Variants in SORD observed in about 807,000 individuals in gnomAD.
SORD encodes the protein (R,R)-butanediol dehydrogenase.
SORD carries 18 observed loss-of-function variants against 35.6 expected under a neutral mutation model. The ratio of observed to expected loss-of-function variants is 0.51; its 90% CI spans 0.35 to 0.75. The LOEUF is 0.75. SORD is among the 30% of genes least tolerant of loss of function. The pLI is 0.01. For synonymous variants in SORD, 106 were observed against 152.9 expected, an observed-to-expected ratio of 0.69 and a Z score of 2.26; for missense variants, 250 against 390.2, an observed-to-expected ratio of 0.64 and a Z score of 3.03.
At position 45,074,052 on chromosome 15, in the gene SORD, A is replaced by C. The variant is rs1893556421; in HGVS notation, c.*522A>C. On this transcript the variant is annotated 3_prime_UTR_variant, in exon 9 of 9. Transcript: ENST00000267814. Reference sequence around the variant, plus strand: ...ATTGGCTGTTTGTTTTGATGATAAAAGGAGAATAAGAAAAGGCATCACTTT... The same window carrying C: ...ATTGGCTGTTTGTTTTGATGATAAACGGAGAATAAGAAAAGGCATCACTTT... 1 of 124,080 alleles carries C rather than the reference A, an allele frequency of 8.1e-6. No homozygotes were observed. Among genetic ancestry groups the C allele is most frequent in the Non-Finnish European group, 1.6e-5 (1 of 61,248 alleles). 7.7% of individuals were successfully genotyped at this position (124,080 alleles called of 1,614,324 possible). A position where few individuals can be genotyped will look rare whatever the true frequency, so the allele number is the denominator to read the frequency against.
chr15:45,030,999 C>A (rs35142181), intron 1 of SORD, among the ~76,000 whole-genome samples: 11,446 of 150,992 alleles, frequency 0.076, 20 homozygotes, highest in South Asian at 0.088. Flanking sequence ...TACCAACGAT[C>A]ATGCAAATAT....
chr15:45,040,173 G>A (rs1892943903), intron 1 of SORD, among the ~76,000 whole-genome samples: 1 of 151,806 alleles, frequency 6.6e-6, no homozygotes, highest in South Asian at 2.1e-4. Context: ...GCATGCTGCT[G>A]TTGGGTCCGT....
chr15:45,064,754 G>A lies in SORD; in HGVS notation c.426-517G>A, dbSNP rs143294521. 4.7e-3 allele frequency among the ~76,000 whole-genome samples: 717 copies of A among 152,342 alleles called. 4 individuals carry two copies. Among genetic ancestry groups the A allele is most frequent in the African/African-American group, 0.017 (692 of 41,582 alleles). ...TAAAGTGAAACTAAAAAGGCTGTAA[G>A]TTTGAGAAGCAGATGAGATGCTGGA... On this transcript the variant is annotated intron_variant, in intron 4 of 8. Transcript: ENST00000267814.
At chr15:45,052,922 A>T (rs56214951) in intron 3 of SORD, among the ~76,000 whole-genome samples, 2 of 152,220 alleles carry the variant, frequency 1.3e-5, no homozygotes, top group African/African-American at 4.8e-5. Flanking sequence ...TCAGTTGCTT[A>T]TAAAAATGTT....
rs1398182635 is a variant in SORD, at chr15:45,075,496, A to G, written c.*1966A>G. The G allele has an allele frequency of 1.7e-5, 2 of 114,560 alleles. No homozygotes were observed. The highest frequency in any genetic ancestry group is 3.2e-5 in the Non-Finnish European group (2 of 62,182). 7.1% of individuals were successfully genotyped at this position (114,560 alleles called of 1,614,324 possible). A position where few individuals can be genotyped will look rare whatever the true frequency, so the allele number is the denominator to read the frequency against. ...CAGCCTATGCATGCCTCGTGAAGCC[A>G]TTTCACTGCTGCCCCTTCATCCTCC... On this transcript the variant is annotated 3_prime_UTR_variant, in exon 9 of 9. Transcript: ENST00000267814.
At chr15:45,066,110 G>T (rs964725746) in intron 5 of SORD, among the ~76,000 whole-genome samples, 2 of 151,150 alleles carry the variant, frequency 1.3e-5, no homozygotes, top group African/African-American at 4.9e-5. Context: ...CAGGCGTGGT[G>T]GTGCACCCCC....
chr15:45,040,558 T>TA (rs2141269305), intron 2 of SORD, 117 bp downstream of exon 2: 1 of 795,794 alleles, frequency 1.3e-6, no homozygotes, highest in South Asian at 1.5e-5. Flanking sequence ...TTGCATCCAT[T>TA]AAAAACCTAT....
intron 4 of SORD, among the ~76,000 whole-genome samples, chr15:45,061,738 A>G (rs778853315): frequency 1.3e-5 from 2 of 152,018 alleles, no homozygotes; most frequent in South Asian, 2.1e-4. Context: ...GCCTGGTGGC[A>G]GGCACCTGTA....
In SORD at chr15:45,065,444, C is replaced by A. The variant is rs1301120112; in HGVS notation, c.544+55C>A. The A allele has an allele frequency of 2.4e-5, 38 of 1,551,204 alleles. No homozygotes were observed. In the South Asian group the frequency reaches 4.1e-4, roughly 17 times the overall value. On this transcript the variant is annotated intron_variant, in intron 5 of 8. Coordinates refer to ENST00000267814, the MANE Select transcript of SORD (RefSeq NM_003104.6). ...TTCATTGACTGGGAATTCAGGGAACCCTCTGCCCATCTCATTCCCCCTCCA... is the reference window on the plus strand; with the variant it reads ...TTCATTGACTGGGAATTCAGGGAACACTCTGCCCATCTCATTCCCCCTCCA...
rs574737698 is a variant in SORD, at chr15:45,046,573, A to G, written c.265+3152A>G. Among the ~76,000 whole-genome samples, 35 of 152,344 alleles carry G rather than the reference A, an allele frequency of 2.3e-4. 2 individuals are homozygous for G. In the South Asian group the frequency reaches 5.4e-3, roughly 23 times the overall value. ...TACAGACATATTTTGGTGGTCATAAAGATTTCTGTGGGTCCTTTTCTTTCC... is the reference window on the plus strand; with the variant it reads ...TACAGACATATTTTGGTGGTCATAAGGATTTCTGTGGGTCCTTTTCTTTCC... On this transcript the variant is annotated intron_variant, in intron 3 of 8. Transcript: ENST00000267814.
Position 45,073,480 on chromosome 15 carries a change from T to C in SORD, c.1024T>C (p.Leu342=). 6.4e-7 allele frequency: 1 copy of C among 1,561,586 alleles called. No individual in the cohort carries two copies. The highest frequency in any genetic ancestry group is 8.6e-7 in the Non-Finnish European group (1 of 1,164,030). Residue 342 remains leucine, a synonymous_variant, in exon 9 of 9, where the codon TTG becomes CTG. Transcript: ENST00000267814. The part of the protein sequence containing the change: ...LEAFETFKKG[L]GLKIMLKCDP... ...GGCCTTTGAAACATTTAAAAAGGGA[T>C]TGGGGTTGAAAATCATGCTCAAGTG...
chr15:45,029,018 C>G (rs1201031509), intron 1 of SORD, among the ~76,000 whole-genome samples: 2 of 152,212 alleles, frequency 1.3e-5, no homozygotes, highest in Non-Finnish European at 2.9e-5. Context: ...TGGATTAAAC[C>G]AGATTACCCT....
Position 45,061,168 on chromosome 15 carries a change from C to T in SORD, c.367C>T (p.Pro123Ser), listed in dbSNP as rs200121839. The change falls in exon 4 of 9, where the codon CCC becomes TCC. Residue 123 changes from proline (P) to serine (S), a missense_variant. Transcript: ENST00000267814. Reference protein sequence around the residue: ...LSPSIFFCATPPDDGNLCRFY... With the variant: ...LSPSIFFCATSPDDGNLCRFY... ...ACCTTCCATCTTCTTCTGTGCCACG[C>T]CCCCCGATGACGGGAACCTCTGCCG... 1.2e-6 allele frequency: 2 copies of T among 1,613,960 alleles called. No individual in the cohort carries two copies. Among genetic ancestry groups the T allele is most frequent in the Non-Finnish European group, 1.7e-6 (2 of 1,179,878 alleles).
chr15:45,039,843 T>C (rs1241556138), intron 1 of SORD, among the ~76,000 whole-genome samples: 1 of 152,230 alleles, frequency 6.6e-6, no homozygotes, highest in Admixed American at 6.5e-5. Context: ...TGGAGGAGTT[T>C]GTCAGACCAA....
chr15:45,060,038 T>A (rs1413857557), intron 3 of SORD, among the ~76,000 whole-genome samples: 16 of 152,280 alleles, frequency 1.1e-4, no homozygotes, highest in South Asian at 2.1e-4. Flanking sequence ...GTTCTGTATC[T>A]TAAAAGGGGT....
At chr15:45,071,009 G>C (rs532399976) in intron 7 of SORD, among the ~76,000 whole-genome samples, 152 of 152,332 alleles carry the variant, frequency 1.0e-3, no homozygotes, top group African/African-American at 3.6e-3. Context: ...AGGCCACCCC[G>C]CCAATGAGCA....
intron 3 of SORD, among the ~76,000 whole-genome samples, chr15:45,046,543 C>G (rs1351251726): frequency 1.3e-5 from 2 of 152,208 alleles, no homozygotes; most frequent in Non-Finnish European, 2.9e-5. Flanking sequence ...CCATGCCCAG[C>G]TAAATACAGA....
intron 3 of SORD, among the ~76,000 whole-genome samples, chr15:45,050,336 C>T (rs1893105814): frequency 6.6e-6 from 1 of 152,238 alleles, no homozygotes; most frequent in Non-Finnish European, 1.5e-5. Flanking sequence ...CTGCCTTAGC[C>T]TCCCAAAGTG....
At chr15:45,051,789 T>C (rs1393387369) in intron 3 of SORD, among the ~76,000 whole-genome samples, 1 of 152,194 alleles carries the variant, frequency 6.6e-6, no homozygotes, top group Non-Finnish European at 1.5e-5. Flanking sequence ...TGAGGTGAGA[T>C]TCTTGTAAAC....
Sources: allele counts gnomAD v4.1 joint callset (sites outside exome capture counted in the v4.1 genomes callset), GRCh38; gene constraint gnomAD v4.1.1; transcripts MANE v1.5; gene names NCBI Gene and HGNC (gene_info 2026-07-23, HGNC 2026-07-21).